CCNY: variants seen among roughly 807,000 people sequenced by gnomAD.
CCNY encodes cyclin Y.
Under a neutral mutation model 42.8 loss-of-function variants are expected in CCNY, and 19 were observed. The ratio of observed to expected loss-of-function variants is 0.44; its 90% CI spans 0.31 to 0.65. The LOEUF (loss-of-function observed/expected upper bound fraction) is 0.65. CCNY is among the 30% of genes least tolerant of loss of function. The probability of loss-of-function intolerance (pLI) is 0.07; values close to 1 mark genes in which losing one functional copy is unlikely to be tolerated. For synonymous variants in CCNY, 165 were observed against 162.7 expected (o/e 1.01, Z -0.11); for missense variants, 370 against 437.3 (o/e 0.85, Z 1.37).
chr10:35,330,236 A>G (rs1224564255), intron 3 of CCNY, among the ~76,000 whole-genome samples: 1 of 152,258 alleles, frequency 6.6e-6, no homozygotes, highest in Non-Finnish European at 1.5e-5. Flanking sequence ...AGGAACCATT[A>G]GCTACAGTTC....
chr10:35,355,950 T>C (rs922063448), intron 1 of CCNY, among the ~76,000 whole-genome samples: 10 of 152,062 alleles, frequency 6.6e-5, no homozygotes, highest in Admixed American at 2.6e-4. Context: ...TGAAATGAAA[T>C]TACCATTTTT....
chr10:35,552,757 T>C (rs1841285757), intron 7 of CCNY, among the ~76,000 whole-genome samples: 1 of 152,200 alleles, frequency 6.6e-6, no homozygotes, highest in South Asian at 2.1e-4. Flanking sequence ...AGTGAGAAAT[T>C]AGCCTGTGCT....
At chr10:35,257,126 A>G (rs1245541547) in intron 3 of CCNY, among the ~76,000 whole-genome samples, 1 of 152,018 alleles carries the variant, frequency 6.6e-6, no homozygotes, top group Non-Finnish European at 1.5e-5. Flanking sequence ...ATGTCCTTAC[A>G]TTTCACACTG....
intron 8 of CCNY, among the ~76,000 whole-genome samples, chr10:35,564,029 A>T (rs1330652193): frequency 6.6e-6 from 1 of 152,026 alleles, no homozygotes; most frequent in African/African-American, 2.4e-5. Context: ...GGCATGTGCC[A>T]CCATGCCCGG....
intron 3 of CCNY, among the ~76,000 whole-genome samples, chr10:35,322,524 T>G (rs1350609418): frequency 6.6e-6 from 1 of 152,136 alleles, no homozygotes; most frequent in Non-Finnish European, 1.5e-5. Flanking sequence ...TTTACAAAGT[T>G]AAAGACTTCT....
chr10:35,563,986 C>G (rs971931934), intron 8 of CCNY, among the ~76,000 whole-genome samples: 2 of 152,028 alleles, frequency 1.3e-5, no homozygotes, highest in African/African-American at 4.8e-5. Context: ...AAGTGATTCC[C>G]CTGCCTCAGC....
intron 1 of CCNY, among the ~76,000 whole-genome samples, chr10:35,372,612 A>C (rs761728352): frequency 7.2e-5 from 11 of 152,202 alleles, no homozygotes; most frequent in Non-Finnish European, 1.3e-4. Flanking sequence ...TTTGCTGGGC[A>C]TCAGCCCTTC....
At chr10:35,523,977 A>C (rs962961991) in intron 4 of CCNY, among the ~76,000 whole-genome samples, 3 of 152,210 alleles carry the variant, frequency 2.0e-5, no homozygotes, top group African/African-American at 7.2e-5. Flanking sequence ...AAAGACATTA[A>C]ACTAATCACA....
At position 35,569,373 on chromosome 10, in the gene CCNY, A is replaced by C. The variant is rs1446344624; in HGVS notation, c.*203A>C. ...CTGGAGATCCCAGCTCGCTCTCCCCACTGTCAGCAACAGCACTTCCTTCGT... is the reference window on the plus strand; with the variant it reads ...CTGGAGATCCCAGCTCGCTCTCCCCCCTGTCAGCAACAGCACTTCCTTCGT... On this transcript the variant is annotated 3_prime_UTR_variant, in exon 10 of 10. Transcript: ENST00000374704. The C allele has an allele frequency of 1.8e-6, 1 of 570,432 alleles. No individual in the cohort carries two copies. Among genetic ancestry groups the C allele is most frequent in the Non-Finnish European group, 3.1e-6 (1 of 318,704 alleles). 35.3% of individuals were successfully genotyped at this position (570,432 alleles called of 1,614,324 possible). A position where few individuals can be genotyped will look rare whatever the true frequency, so the allele number is the denominator to read the frequency against.
chr10:35,486,066 G>A (rs774051328), intron 2 of CCNY, among the ~76,000 whole-genome samples: 1 of 152,136 alleles, frequency 6.6e-6, no homozygotes, highest in Non-Finnish European at 1.5e-5. Context: ...TTACAATGAA[G>A]GCTGTAGGTT....
intron 3 of CCNY, among the ~76,000 whole-genome samples, chr10:35,516,090 A>T (rs951236471): frequency 5.9e-5 from 9 of 152,194 alleles, no homozygotes; most frequent in African/African-American, 2.2e-4. Flanking sequence ...CCCTAAATCA[A>T]CTGTATTTCA....
At chr10:35,493,339 T>C (rs1839940539) in intron 2 of CCNY, among the ~76,000 whole-genome samples, 1 of 152,208 alleles carries the variant, frequency 6.6e-6, no homozygotes, top group African/African-American at 2.4e-5. Context: ...ACCACAGCCT[T>C]GTCCTACTGT....
intron 1 of CCNY, among the ~76,000 whole-genome samples, chr10:35,411,241 G>A (rs1278510053): frequency 2.0e-5 from 3 of 151,972 alleles, no homozygotes; most frequent in Non-Finnish European, 2.9e-5. Flanking sequence ...GGCCGGGTGC[G>A]GTGGCTCACG....
At chr10:35,349,694 G>A (rs1564377528) in intron 1 of CCNY, among the ~76,000 whole-genome samples, 1 of 152,094 alleles carries the variant, frequency 6.6e-6, no homozygotes, top group Non-Finnish European at 1.5e-5. Flanking sequence ...GTTGACATTA[G>A]GGGGGGCTGC....
intron 1 of CCNY, among the ~76,000 whole-genome samples, chr10:35,424,709 T>TG (rs566791562): frequency 5.8e-4 from 89 of 152,312 alleles, no homozygotes; most frequent in African/African-American, 1.7e-3. Context: ...AGCCTAGTCT[T>TG]GCAACTCCTA....
chr10:35,439,376 T>G (rs1162499381), intron 1 of CCNY, among the ~76,000 whole-genome samples: 1 of 152,290 alleles, frequency 6.6e-6, no homozygotes, highest in Admixed American at 6.5e-5. Context: ...GTTCACTGAT[T>G]CTTTCTTCTG....
intron 1 of CCNY, among the ~76,000 whole-genome samples, chr10:35,422,603 T>C (rs1221612634): frequency 1.3e-5 from 2 of 152,250 alleles, no homozygotes; most frequent in Admixed American, 1.3e-4. Context: ...TCAAGATATG[T>C]TGTTTTATGT....
At chr10:35,448,574 T>A (rs530818797) in intron 1 of CCNY, among the ~76,000 whole-genome samples, 1 of 152,264 alleles carries the variant, frequency 6.6e-6, no homozygotes, top group Admixed American at 6.5e-5. Context: ...AGGGATGTTA[T>A]GGTGTTACTG....
At chr10:35,345,815 T>C (rs1420878725) in intron 1 of CCNY, among the ~76,000 whole-genome samples, 1 of 152,250 alleles carries the variant, frequency 6.6e-6, no homozygotes, top group Non-Finnish European at 1.5e-5. Flanking sequence ...GCTTGCTGGC[T>C]GTAGAATTTG....
Sources: allele counts gnomAD v4.1 joint callset (sites outside exome capture counted in the v4.1 genomes callset), GRCh38; gene constraint gnomAD v4.1.1; transcripts MANE v1.5; gene names NCBI Gene and HGNC (gene_info 2026-07-23, HGNC 2026-07-21).